The following P2RX3 variants were observed in gnomAD, a reference collection of about 807,000 sequenced individuals.
P2RX3 encodes P2X purinoceptor 3.
In P2RX3, 41 loss-of-function variants were observed where a neutral mutation model predicts 51.5. That is an observed-to-expected ratio of 0.80 (90% CI 0.62 to 1.03). P2RX3 has a LOEUF of 1.03. Ranked by LOEUF, P2RX3 falls within the 50% of genes least tolerant of loss-of-function variation. The pLI, the probability that P2RX3 is intolerant of heterozygous loss-of-function variation, is 0.00. For missense variants in P2RX3, 459 were observed against 522.1 expected (o/e 0.88, Z 1.18); for synonymous variants, 185 against 191.6 (o/e 0.97, Z 0.29).
At chr11:57,356,460 G>A (rs1856632893) in intron 8 of P2RX3, among the ~76,000 whole-genome samples, 1 of 152,212 alleles carries the variant, frequency 6.6e-6, no homozygotes, top group Non-Finnish European at 1.5e-5. Flanking sequence ...CTCTTTTGGT[G>A]TCTGGGACAA....
At chr11:57,350,718 G>A (rs370001787) in intron 7 of P2RX3, 44 bp from the exon 8 acceptor site, 26 of 1,607,924 alleles carry the variant, frequency 1.6e-5, no homozygotes, top group Non-Finnish European at 2.1e-5. Flanking sequence ...AGAGCAGGGA[G>A]TCAGAGGGCG....
chr11:57,337,367 GA>G (rs1204583533), upstream of P2RX3, among the ~76,000 whole-genome samples: 19 of 69,772 alleles, frequency 2.7e-4, no homozygotes, highest in East Asian at 8.7e-4. Flanking sequence ...AAAAAAAACA[GA>G]AAAAAAAACC....
intron 6 of P2RX3, 42 bp from the exon 7 acceptor site, chr11:57,349,715 C>T (rs1371867953): frequency 6.2e-7 from 1 of 1,612,968 alleles, no homozygotes; most frequent in African/African-American, 1.3e-5. Flanking sequence ...AGACGATCTT[C>T]CCATGAACCC....
chr11:57,363,622 G>T (rs1299320159), intron 8 of P2RX3, among the ~76,000 whole-genome samples: 1 of 152,188 alleles, frequency 6.6e-6, no homozygotes. Flanking sequence ...TAGTCATGGG[G>T]CCCCAGCTAA....
intron 8 of P2RX3, among the ~76,000 whole-genome samples, chr11:57,365,719 G>T (rs777211828): frequency 6.6e-6 from 1 of 152,170 alleles, no homozygotes; most frequent in African/African-American, 2.4e-5. Flanking sequence ...ATTAACAAGT[G>T]GGGGAGCCAG....
intron 1 of P2RX3, among the ~76,000 whole-genome samples, chr11:57,346,077 C>T (rs1856426695): frequency 6.6e-6 from 1 of 152,170 alleles, no homozygotes; most frequent in South Asian, 2.1e-4. Flanking sequence ...GGCTGGAATG[C>T]ATGGGAGCAG....
intron 8 of P2RX3, among the ~76,000 whole-genome samples, chr11:57,355,099 C>T (rs1485284543): frequency 2.0e-5 from 3 of 152,236 alleles, no homozygotes; most frequent in Admixed American, 2.0e-4. Flanking sequence ...ACTGAGGCAG[C>T]CCAGGGCAGG....
chr11:57,355,530 G>A (rs1338126974), intron 8 of P2RX3, among the ~76,000 whole-genome samples: 6 of 151,820 alleles, frequency 4.0e-5, no homozygotes, highest in African/African-American at 1.2e-4. Context: ...TAGTAGAGAC[G>A]GGATTTCAAC....
At chr11:57,366,347 C>CA (rs1389300670) in intron 8 of P2RX3, among the ~76,000 whole-genome samples, 2 of 152,200 alleles carry the variant, frequency 1.3e-5, no homozygotes, top group Admixed American at 6.5e-5. Flanking sequence ...TCTGAACACT[C>CA]ACGTCTCTGT....
chr11:57,349,824 C>A lies in P2RX3; in HGVS notation c.631C>A (p.Pro211Thr). The change falls in exon 7 of 12, where the codon CCT becomes ACT. Residue 211 changes from proline to threonine, a missense_variant. Coordinates refer to ENST00000263314, the MANE Select transcript of P2RX3 (RefSeq NM_002559.5). Reference protein sequence around the residue: ...KTCRFHPDKDPFCPILRVGDV... With the variant: ...KTCRFHPDKDTFCPILRVGDV... ...CTGCCGCTTCCACCCGGACAAGGAC[C>A]CTTTCTGCCCCATCTTGCGGGTAGG... 2 of 1,614,222 alleles carry A rather than the reference C, an allele frequency of 1.2e-6. No homozygotes were observed. Among genetic ancestry groups the A allele is most frequent in the Non-Finnish European group, 1.7e-6 (2 of 1,180,044 alleles).
chr11:57,339,055 G>C (rs34135716), intron 1 of P2RX3, among the ~76,000 whole-genome samples: 20,358 of 152,134 alleles, frequency 0.13, 1,436 homozygotes, highest in Middle Eastern at 0.16. Context: ...CCTCAGTCAA[G>C]TCTTCGGGGT....
Position 57,338,540 on chromosome 11 carries a change from A to T in P2RX3, c.-11A>T. On this transcript the variant is annotated 5_prime_UTR_variant, in exon 1 of 12. Coordinates refer to ENST00000263314, the MANE Select transcript of P2RX3 (RefSeq NM_002559.5). ...GCCCCCTTCTGAGTGTCCCCTGAGC[A>T]CTCTCTCAGCATGAACTGCATATCC... 6.4e-7 allele frequency: 1 copy of T among 1,569,404 alleles called. No individual in the cohort carries two copies.
At chr11:57,344,912 T>G (rs1201537223) in intron 1 of P2RX3, among the ~76,000 whole-genome samples, 1 of 152,122 alleles carries the variant, frequency 6.6e-6, no homozygotes, top group Non-Finnish European at 1.5e-5. Context: ...CCCGGTACGT[T>G]CTGGGAGCTG....
chr11:57,348,340 C>A, intron 5 of P2RX3, 77 bp downstream of exon 5: 1 of 1,344,418 alleles, frequency 7.4e-7, no homozygotes, highest in South Asian at 1.4e-5. Flanking sequence ...CCGTGCGTCT[C>A]TGAGCTTGAG....
intron 10 of P2RX3, among the ~76,000 whole-genome samples, chr11:57,368,697 C>T (rs1856835309): frequency 6.6e-6 from 1 of 152,154 alleles, no homozygotes; most frequent in Non-Finnish European, 1.5e-5. Flanking sequence ...TTATAGAGTT[C>T]CCGTTTCTCA....
At chr11:57,336,731 G>T (rs544251042), upstream of P2RX3, among the ~76,000 whole-genome samples, 1 of 152,276 alleles carries the variant, frequency 6.6e-6, no homozygotes, top group African/African-American at 2.4e-5. Flanking sequence ...AATGACTATT[G>T]ATATGTGTCC....
intron 8 of P2RX3, among the ~76,000 whole-genome samples, chr11:57,355,989 G>C (rs548303274): frequency 5.3e-5 from 8 of 152,214 alleles, no homozygotes; most frequent in African/African-American, 1.7e-4. Context: ...GCAATAGCAA[G>C]ACTCCTTCTC....
chr11:57,346,567 C>T lies in P2RX3; in HGVS notation c.143C>T (p.Ala48Val). The change falls in exon 2 of 12, where the codon GCT (alanine) becomes GTT (valine). Residue 48 changes from alanine (A) to valine (V), a missense_variant. Transcript: ENST00000263314. ...AGGTGGGTTTTCTTGCACGAGAAGG[C>T]TTACCAGGTACGGGACACAGCCATT... is the stretch of plus-strand genomic sequence containing the variant. ...FVGWVFLHEK[A>V]YQVRDTAIES... 1.2e-6 allele frequency: 2 copies of T among 1,614,124 alleles called. No homozygotes were observed. Among genetic ancestry groups the T allele is most frequent in the Non-Finnish European group, 1.7e-6 (2 of 1,180,020 alleles).
At chr11:57,354,890 G>A (rs1856604136) in intron 8 of P2RX3, among the ~76,000 whole-genome samples, 1 of 152,180 alleles carries the variant, frequency 6.6e-6, no homozygotes, top group Admixed American at 6.5e-5. Context: ...GTGTGGGCAG[G>A]GTGTACGGAA....
Sources: gnomAD v4.1 joint callset for allele counts (sites outside exome capture counted in the v4.1 genomes callset) on GRCh38, gnomAD v4.1.1 for gene constraint, MANE v1.5 for transcripts, NCBI Gene and HGNC (gene_info 2026-07-23, HGNC 2026-07-21) for gene names.